The following GTF2A1 variants were observed in gnomAD, a reference collection of about 807,000 sequenced individuals.
GTF2A1 encodes the protein transcription initiation factor IIA subunit 1.
Under a neutral mutation model 54.1 loss-of-function variants are expected in GTF2A1, and 12 were observed. The observed-to-expected ratio is 0.22, with a 90% CI of 0.14 to 0.36. The LOEUF (loss-of-function observed/expected upper bound fraction) is 0.36. Among genes scored for constraint, GTF2A1 ranks in the 10% least tolerant of loss-of-function variants. GTF2A1 has a pLI of 1.00. For synonymous variants in GTF2A1, 145 were observed against 152.0 expected (o/e 0.95, Z 0.34); for missense variants, 335 against 442.2 (o/e 0.76, Z 2.17).
chr14:81,203,275 T>C (rs966636102), intron 3 of GTF2A1, among the ~76,000 whole-genome samples: 6 of 152,248 alleles, frequency 3.9e-5, no homozygotes, highest in Non-Finnish European at 5.9e-5. Context: ...ACACAGTCTA[T>C]GAATATTTGC....
intron 4 of GTF2A1, among the ~76,000 whole-genome samples, chr14:81,200,885 C>CA (rs36025974): frequency 0.48 from 52,804 of 110,750 alleles, 11,654 homozygotes; most frequent in Middle Eastern, 0.62. Context: ...ATGTTTTATC[C>CA]AAAAAAAAAA....
chr14:81,201,313 C>CT (rs973494471), intron 4 of GTF2A1, among the ~76,000 whole-genome samples: 8 of 152,114 alleles, frequency 5.3e-5, no homozygotes, highest in Admixed American at 1.3e-4. Context: ...GCATTATAAG[C>CT]TTGGTAGGTA....
rs1237747018 is a variant in GTF2A1 at position 81,177,983 on chromosome 14, C to T, written c.*2240G>A. ...TGCCAAGTATACCATAATTCATATG[C>T]AATACGCAGGTGCAAATACAAATGG... On this transcript the variant is annotated 3_prime_UTR_variant, in exon 9 of 9. Transcript: ENST00000553612. The T allele has an allele frequency of 6.6e-6, 1 of 151,962 alleles. No individual in the cohort carries two copies. The highest frequency in any genetic ancestry group is 1.5e-5 in the Non-Finnish European group (1 of 67,932). 9.4% of individuals were successfully genotyped at this position (151,962 alleles called of 1,614,324 possible).
Position 81,216,361 on chromosome 14 carries a change from A to C in GTF2A1, c.132+52T>G, listed in dbSNP as rs1893488693. The C allele has an allele frequency of 5.0e-6, 4 of 804,610 alleles. No individual in the cohort carries two copies. In the Admixed American group the frequency reaches 8.3e-5, roughly 17 times the overall value. 49.8% of individuals were successfully genotyped at this position (804,610 alleles called of 1,614,324 possible). On this transcript the variant is annotated intron_variant, in intron 2 of 8. Transcript: ENST00000553612. ...TTACAGATTCATCTCCGGCTAAAGA[A>C]AATGTTTTGTGGGGGAAAAGTAGGA...
In GTF2A1 at chr14:81,207,964, T is replaced by C. The variant is rs1179911896; in HGVS notation, c.133-3860A>G. ...TCCGTTTTAAAAGGGAAACAAAGCA[T>C]AGAAGTTCAGAAAATTTGCAGCCTG... On this transcript the variant is annotated intron_variant, in intron 2 of 8. Transcript: ENST00000553612. Among the ~76,000 whole-genome samples the C allele has an allele frequency of 2.6e-5, 4 of 152,314 alleles. No individual in the cohort carries two copies. The South Asian group carries it at 6.2e-4, about 24-fold the overall frequency.
chr14:81,201,848 C>T (rs1426151170), intron 3 of GTF2A1, among the ~76,000 whole-genome samples, 190 bp from the exon 4 acceptor site: 1 of 152,128 alleles, frequency 6.6e-6, no homozygotes, highest in African/African-American at 2.4e-5. Flanking sequence ...TATACCCACC[C>T]TATACTAGAA....
chr14:81,182,339 T>C (rs777937421), intron 8 of GTF2A1, among the ~76,000 whole-genome samples: 5 of 152,232 alleles, frequency 3.3e-5, no homozygotes, highest in Non-Finnish European at 5.9e-5. Flanking sequence ...CTAACGGACA[T>C]ACCAGACTTG....
intron 6 of GTF2A1, 92 bp downstream of exon 6, chr14:81,196,016 C>CT (rs901588315): frequency 6.7e-5 from 77 of 1,143,306 alleles, no homozygotes; most frequent in Non-Finnish European, 9.0e-5. Flanking sequence ...GAAAAAGAGT[C>CT]TTTTGTGCAT....
intron 7 of GTF2A1, among the ~76,000 whole-genome samples, chr14:81,187,864 T>C (rs940525170): frequency 6.6e-6 from 1 of 152,170 alleles, no homozygotes; most frequent in African/African-American, 2.4e-5. Context: ...TGCTGGGTCA[T>C]ATGGATAATT....
intron 2 of GTF2A1, chr14:81,209,798 T>A (rs531158570): frequency 5.2e-5 from 27 of 518,014 alleles, no homozygotes; most frequent in African/African-American, 4.6e-4. Flanking sequence ...AATGTCAAAG[T>A]CTCAACAGCC....
chr14:81,204,097 TC>T lies in GTF2A1; in HGVS notation c.139del (p.Glu47LysfsTer4). 6.2e-7 allele frequency: 1 copy of T among 1,607,746 alleles called. No individual in the cohort carries two copies. The highest frequency in any genetic ancestry group is 8.5e-7 in the Non-Finnish European group (1 of 1,174,286). On this transcript the variant is annotated frameshift_variant, in exon 3 of 9. Transcript: ENST00000553612. LOFTEE classifies it high-confidence loss of function. ...QVLMELKTLW[E>X]NKLMQSRAVD... ...TGCCCTGGACTGCATTAGTTTGTTTTCCCATAACTAAGGCAAAGAACATTAA... is the reference window on the plus strand; with the variant it reads ...TGCCCTGGACTGCATTAGTTTGTTTTCCATAACTAAGGCAAAGAACATTAA...
intron 3 of GTF2A1, 106 bp downstream of exon 3, chr14:81,203,794 T>C: frequency 1.1e-6 from 1 of 922,390 alleles, no homozygotes; most frequent in Non-Finnish European, 1.7e-6. Flanking sequence ...AGGTTCTCCA[T>C]GTGCCCCTTA....
At chr14:81,187,121 G>A (rs1439515777) in intron 7 of GTF2A1, among the ~76,000 whole-genome samples, 2 of 152,118 alleles carry the variant, frequency 1.3e-5, no homozygotes, top group East Asian at 1.9e-4. Context: ...TTGGGAGGCT[G>A]AGGCAGGCAG....
Position 81,192,839 on chromosome 14 carries a change from C to A in GTF2A1, c.613G>T (p.Val205Leu). 1.9e-6 allele frequency: 3 copies of A among 1,591,794 alleles called. No homozygotes were observed. The highest frequency in any genetic ancestry group is 2.6e-6 in the Non-Finnish European group (3 of 1,162,146). Residue 205 changes from valine to leucine, a missense_variant and splice_region_variant, in exon 7 of 9, where the codon GTG (valine) becomes TTG (leucine). By Grantham distance (32) the Val-to-Leu change is conservative. Transcript: ENST00000553612. Reference sequence around the variant, plus strand: ...ATCCCTCCAGGAAGAGGAGCCAGCACCTAAAGCAAAAGAAAACCACATAAC... The same window carrying A: ...ATCCCTCCAGGAAGAGGAGCCAGCAACTAAAGCAAAAGAAAACCACATAAC... ...GGVQAPVIQQVLAPLPGGISP... is the reference protein window; with the variant it reads ...GGVQAPVIQQLLAPLPGGISP...
intron 7 of GTF2A1, among the ~76,000 whole-genome samples, chr14:81,186,811 A>G (rs1892758087): frequency 3.9e-5 from 6 of 152,074 alleles, no homozygotes; most frequent in African/African-American, 1.4e-4. Context: ...TTAGCGAGGT[A>G]TGGTGGCATA....
intron 1 of GTF2A1, 151 bp downstream of exon 1, chr14:81,220,338 A>T: frequency 4.2e-6 from 1 of 235,938 alleles, no homozygotes; most frequent in Non-Finnish European, 7.4e-6. Context: ...CTCCGGCCCG[A>T]TCCGCCCGAG....
chr14:81,207,045 G>A (rs1893247832), intron 2 of GTF2A1, among the ~76,000 whole-genome samples: 1 of 152,112 alleles, frequency 6.6e-6, no homozygotes, highest in Non-Finnish European at 1.5e-5. Context: ...TGTTATCAAG[G>A]CGAATTTTTT....
At chr14:81,193,505 G>C (rs114498126) in intron 6 of GTF2A1, among the ~76,000 whole-genome samples, 3 of 152,118 alleles carry the variant, frequency 2.0e-5, no homozygotes, top group Non-Finnish European at 2.9e-5. Context: ...TACAGCAGAC[G>C]CAAGTCATTT....
intron 8 of GTF2A1, among the ~76,000 whole-genome samples, chr14:81,182,434 ATC>A (rs1892659109): frequency 6.6e-6 from 1 of 152,320 alleles, no homozygotes; most frequent in Middle Eastern, 3.4e-3. Context: ...TCATCAAAAA[ATC>A]TCAAGAGTCA....
Sources: allele counts gnomAD v4.1 joint callset (sites outside exome capture counted in the v4.1 genomes callset), GRCh38; gene constraint gnomAD v4.1.1; transcripts MANE v1.5; gene names NCBI Gene and HGNC (gene_info 2026-07-23, HGNC 2026-07-21).